The following COL22A1 variants were observed in gnomAD, a reference collection of about 807,000 sequenced individuals.
The protein encoded by COL22A1 is collagen type XXII alpha 1 chain, also known as collagen alpha-1(XXII) chain.
In COL22A1, 221 loss-of-function variants were observed where a neutral mutation model predicts 248.9. That is an observed-to-expected ratio of 0.89 (90% CI 0.80 to 0.99). The LOEUF is 0.99. COL22A1 is among the 50% of genes least tolerant of loss of function. The pLI is 0.00. For synonymous variants in COL22A1, 891 were observed against 793.4 expected (o/e 1.12, Z -2.07); for missense variants, 2,240 against 2,179.0 (o/e 1.03, Z -0.56).
At position 138,716,879 on chromosome 8, in the gene COL22A1, C is replaced by T. The variant is rs765323478; in HGVS notation, c.2356-10G>A. On this transcript the variant is annotated splice_polypyrimidine_tract_variant and intron_variant, in intron 27 of 64. Transcript: ENST00000303045. ...GCTCCCCAATTTCTCCCTGAAAATG[C>T]AATAAAACATACCCCATTATTCTCC... 1 of 1,602,936 alleles carries T rather than the reference C, an allele frequency of 6.2e-7. No individual in the cohort carries two copies. The highest frequency in any genetic ancestry group is 8.5e-7 in the Non-Finnish European group (1 of 1,169,748).
At chr8:138,907,965 C>T (rs1216091813) in intron 1 of COL22A1, among the ~76,000 whole-genome samples, 2 of 152,216 alleles carry the variant, frequency 1.3e-5, no homozygotes, top group Non-Finnish European at 2.9e-5. Flanking sequence ...GTTCCCAACA[C>T]ATGAACTTTG....
At chr8:138,846,188 C>T (rs1461212045) in intron 3 of COL22A1, among the ~76,000 whole-genome samples, 2 of 152,198 alleles carry the variant, frequency 1.3e-5, no homozygotes, top group Non-Finnish European at 2.9e-5. Flanking sequence ...CCCAGGACAG[C>T]AGCAGCTGTG....
chr8:138,757,835 G>A (rs900365421), intron 18 of COL22A1, among the ~76,000 whole-genome samples: 2 of 152,238 alleles, frequency 1.3e-5, no homozygotes, highest in Non-Finnish European at 2.9e-5. Context: ...CAATATGGGT[G>A]ACACATTTTT....
chr8:138,755,018 C>T, intron 21 of COL22A1, 139 bp downstream of exon 21: 1 of 843,126 alleles, frequency 1.2e-6, no homozygotes. Context: ...GACGTGACCA[C>T]AACAGCACAA....
At chr8:138,596,546 T>G (rs529335408) in intron 62 of COL22A1, among the ~76,000 whole-genome samples, 1 of 152,352 alleles carries the variant, frequency 6.6e-6, no homozygotes, top group South Asian at 2.1e-4. Flanking sequence ...ATCTACCTCC[T>G]CTGGACTGTG....
chr8:138,850,083 C>T (rs911412456), intron 3 of COL22A1, among the ~76,000 whole-genome samples: 12 of 152,054 alleles, frequency 7.9e-5, no homozygotes, highest in Admixed American at 7.9e-4. Context: ...TGGTGTGCAC[C>T]CTGTGAGAAG....
At chr8:138,639,518 C>A (rs935066387) in intron 47 of COL22A1, among the ~76,000 whole-genome samples, 9 of 152,194 alleles carry the variant, frequency 5.9e-5, no homozygotes, top group Admixed American at 5.9e-4. Context: ...ATTTAGTCCT[C>A]TTCAGAAGAG....
At chr8:138,606,299 G>A (rs547397495) in intron 58 of COL22A1, 82 bp downstream of exon 58, 2 of 1,228,922 alleles carry the variant, frequency 1.6e-6, no homozygotes, top group Non-Finnish European at 2.3e-6. Context: ...TGAGGACACA[G>A]GAGGTGGCAG....
At chr8:138,713,522 G>C (rs1829192436) in intron 30 of COL22A1, among the ~76,000 whole-genome samples, 1 of 152,222 alleles carries the variant, frequency 6.6e-6, no homozygotes, top group Non-Finnish European at 1.5e-5. Context: ...AAAGGATCTT[G>C]TGTTTCAGAC....
intron 3 of COL22A1, among the ~76,000 whole-genome samples, chr8:138,873,990 C>G (rs1211796426): frequency 6.6e-6 from 1 of 152,190 alleles, no homozygotes; most frequent in Non-Finnish European, 1.5e-5. Flanking sequence ...GCTGTGAAGT[C>G]CCCCACAGGC....
intron 61 of COL22A1, among the ~76,000 whole-genome samples, chr8:138,597,884 C>T (rs1462088399): frequency 1.3e-5 from 2 of 152,194 alleles, no homozygotes; most frequent in South Asian, 4.1e-4. Context: ...GGCCAAGAGA[C>T]AGGCTCTGGC....
chr8:138,802,807 A>G, intron 11 of COL22A1, 65 bp downstream of exon 11: 1 of 1,252,742 alleles, frequency 8.0e-7, no homozygotes, highest in Non-Finnish European at 1.2e-6. Flanking sequence ...GCATGATCGG[A>G]GGGCCCTGGG....
At chr8:138,869,400 G>A (rs750501626) in intron 3 of COL22A1, among the ~76,000 whole-genome samples, 9 of 152,130 alleles carry the variant, frequency 5.9e-5, no homozygotes, top group South Asian at 4.1e-4. Context: ...GAATGAGATG[G>A]GCTGCATGCC....
At chr8:138,721,982 T>G (rs138454217) in intron 26 of COL22A1, 54 bp downstream of exon 26, 13,342 of 1,329,302 alleles carry the variant, frequency 0.01, 97 homozygotes, top group Non-Finnish European at 0.012. Flanking sequence ...AAGCATCTCT[T>G]TAGTTTCTGT....
In COL22A1 at chr8:138,724,663, C is replaced by A. The variant is rs748219297; in HGVS notation, c.2199G>T (p.Leu733Phe). 4.1e-5 allele frequency: 66 copies of A among 1,614,034 alleles called. No homozygotes were observed. The highest frequency in any genetic ancestry group is 5.5e-5 in the Non-Finnish European group (65 of 1,179,992). The stretch of plus-strand genomic sequence containing the variant: ...TTCCCGGGAAGCCGATCTCTCCAGG[C>A]AAACCCTGAAAGGGGACCACATGGA... ...GPPGPGGSPG[L>F]PGEIGFPGKP... is the part of the protein sequence containing the mutation. Residue 733 changes from leucine (L) to phenylalanine (F), a missense_variant, in exon 25 of 65, where the codon TTG (leucine) becomes TTT (phenylalanine). By Grantham distance (22) the Leu-to-Phe change is conservative. Coordinates refer to ENST00000303045, the MANE Select transcript of COL22A1 (RefSeq NM_152888.3).
intron 4 of COL22A1, among the ~76,000 whole-genome samples, chr8:138,843,725 T>C (rs998779352): frequency 6.6e-6 from 1 of 152,218 alleles, no homozygotes; most frequent in African/African-American, 2.4e-5. Context: ...TCTGATTCAC[T>C]CTCGCTTTCA....
chr8:138,644,638 A>C (rs768365438), intron 47 of COL22A1, among the ~76,000 whole-genome samples: 6 of 152,192 alleles, frequency 3.9e-5, no homozygotes, highest in East Asian at 1.9e-4. Flanking sequence ...CAGAGGTTTC[A>C]AAACTTTAAA....
In COL22A1 at chr8:138,807,765, G is replaced by T; in HGVS notation, c.1494+3C>A. The T allele has an allele frequency of 6.2e-7, 1 of 1,613,844 alleles. No homozygotes were observed. Among genetic ancestry groups the T allele is most frequent in the South Asian group, 1.1e-5 (1 of 91,028 alleles). On this transcript the variant is annotated splice_donor_region_variant and intron_variant, in intron 10 of 64. Transcript: ENST00000303045. ...ACTACACCTCTGCCATGCCTGTACT[G>T]ACCTTTGGACCAGGGAGCCCCATGG...
intron 23 of COL22A1, among the ~76,000 whole-genome samples, chr8:138,732,365 C>T (rs937838773): frequency 1.3e-5 from 2 of 152,210 alleles, no homozygotes; most frequent in Non-Finnish European, 2.9e-5. Context: ...TAGAAATTTA[C>T]GTAAGAAAAA....
Sources: allele counts gnomAD v4.1 joint callset (sites outside exome capture counted in the v4.1 genomes callset), GRCh38; gene constraint gnomAD v4.1.1; transcripts MANE v1.5; gene names NCBI Gene and HGNC (gene_info 2026-07-23, HGNC 2026-07-21).